The following ZFHX3 variants were observed in gnomAD, a reference collection of about 807,000 sequenced individuals.
The protein encoded by ZFHX3 is zinc finger homeobox protein 3.
A neutral mutation model predicts 279.1 loss-of-function variants in ZFHX3; 42 were observed. The ratio of observed to expected loss-of-function variants is 0.15; its 90% confidence interval spans 0.12 to 0.19. The LOEUF (loss-of-function observed/expected upper bound fraction) is 0.19. Ranked by LOEUF, ZFHX3 falls within the 10% of genes least tolerant of loss-of-function variation. ZFHX3 has a pLI of 1.00. For missense variants in ZFHX3, 4,981 were observed against 4,754.0 expected (o/e 1.05, Z -1.40); for synonymous variants, 2,293 against 1,957.8 (o/e 1.17, Z -4.52).
At chr16:73,503,239 A>G (rs1485484984) in intron 2 of ZFHX3, among the ~76,000 whole-genome samples, 1 of 152,226 alleles carries the variant, frequency 6.6e-6, no homozygotes, top group East Asian at 1.9e-4. Context: ...AGCTGTATGC[A>G]TGTGTCACAT....
intron 5 of ZFHX3, among the ~76,000 whole-genome samples, chr16:73,227,614 C>G (rs1293752841): frequency 6.6e-6 from 1 of 151,796 alleles, no homozygotes; most frequent in African/African-American, 2.4e-5. Context: ...TTTGGGAGGT[C>G]GAGGCAGGTG....
chr16:72,924,027 T>A (rs1046577035), intron 3 of ZFHX3, among the ~76,000 whole-genome samples: 1 of 152,202 alleles, frequency 6.6e-6, no homozygotes, highest in Non-Finnish European at 1.5e-5. Flanking sequence ...TAGCTAGCAC[T>A]TGCCCCAGGC....
intron 5 of ZFHX3, among the ~76,000 whole-genome samples, chr16:72,815,389 C>A (rs2036576560): frequency 6.9e-6 from 1 of 144,150 alleles, no homozygotes; most frequent in East Asian, 2.0e-4. Flanking sequence ...GCCTGGGTGA[C>A]AGAGTGAGAC....
At chr16:73,365,502 T>C (rs1310186742) in intron 3 of ZFHX3, among the ~76,000 whole-genome samples, 1 of 152,184 alleles carries the variant, frequency 6.6e-6, no homozygotes, top group African/African-American at 2.4e-5. Context: ...ATCTCATTAA[T>C]CCCTTTACAG....
At chr16:73,380,326 C>T (rs1447362478) in intron 3 of ZFHX3, among the ~76,000 whole-genome samples, 1 of 151,996 alleles carries the variant, frequency 6.6e-6, no homozygotes, top group Non-Finnish European at 1.5e-5. Flanking sequence ...ATTTACAAGA[C>T]AAAAAATAAG....
chr16:73,220,769 T>C (rs2012388643), intron 5 of ZFHX3, among the ~76,000 whole-genome samples: 1 of 152,098 alleles, frequency 6.6e-6, no homozygotes, highest in South Asian at 2.1e-4. Context: ...TGTGTGTGTG[T>C]GTGTGTGTTT....
At chr16:73,109,596 GC>G (rs1364843670) in intron 7 of ZFHX3, among the ~76,000 whole-genome samples, 4 of 152,102 alleles carry the variant, frequency 2.6e-5, no homozygotes, top group Non-Finnish European at 4.4e-5. Context: ...AGTGCCTCGT[GC>G]CTGTAATTTG....
At chr16:73,744,639 T>G (rs2053687843) in intron 1 of ZFHX3, among the ~76,000 whole-genome samples, 1 of 152,148 alleles carries the variant, frequency 6.6e-6, no homozygotes, top group South Asian at 2.1e-4. Context: ...CTGCCCCTCT[T>G]TTTGGAGCCT....
intron 2 of ZFHX3, among the ~76,000 whole-genome samples, chr16:73,590,521 C>T (rs1369711444): frequency 6.6e-6 from 1 of 152,138 alleles, no homozygotes; most frequent in Non-Finnish European, 1.5e-5. Context: ...AACTTGAGCA[C>T]ACTGAAACAC....
intron 4 of ZFHX3, among the ~76,000 whole-genome samples, chr16:72,856,283 G>A (rs950689826): frequency 3.9e-5 from 6 of 152,198 alleles, no homozygotes; most frequent in Admixed American, 6.5e-5. Flanking sequence ...CAATGAGCAC[G>A]CACGTGGTCA....
At chr16:72,843,102 A>T (rs2037384156) in intron 4 of ZFHX3, among the ~76,000 whole-genome samples, 1 of 152,190 alleles carries the variant, frequency 6.6e-6, no homozygotes, top group African/African-American at 2.4e-5. Context: ...TGTTCGCAAA[A>T]GCCTGGTCAC....
At chr16:73,736,146 CAG>C (rs2053608292) in intron 1 of ZFHX3, among the ~76,000 whole-genome samples, 1 of 152,110 alleles carries the variant, frequency 6.6e-6, no homozygotes, top group Admixed American at 6.5e-5. Flanking sequence ...CAGAAATGGT[CAG>C]AGACAGATGG....
intron 5 of ZFHX3, among the ~76,000 whole-genome samples, chr16:73,163,568 C>A (rs548157779): frequency 6.6e-6 from 1 of 152,164 alleles, no homozygotes; most frequent in Non-Finnish European, 1.5e-5. Context: ...TTTGCTCTCT[C>A]GACCTTTATA....
chr16:73,863,033 C>T (rs181757947), intron 1 of ZFHX3, among the ~76,000 whole-genome samples: 3 of 151,908 alleles, frequency 2.0e-5, no homozygotes, highest in Admixed American at 6.5e-5. Context: ...ACTGAAACCC[C>T]TTCTCTACTA....
chr16:73,174,225 G>A (rs536340481), intron 5 of ZFHX3, among the ~76,000 whole-genome samples: 1 of 151,986 alleles, frequency 6.6e-6, no homozygotes, highest in East Asian at 1.9e-4. Flanking sequence ...GCCTTCTAAG[G>A]CCTCAGTGGA....
chr16:73,531,550 A>G (rs1287306831), intron 2 of ZFHX3, among the ~76,000 whole-genome samples: 2 of 151,790 alleles, frequency 1.3e-5, no homozygotes, highest in African/African-American at 4.8e-5. Context: ...CCCCATGTCT[A>G]TAAAAATTTC....
In ZFHX3 at chr16:73,514,181, G is replaced by C. The variant is rs796510473; in HGVS notation, c.-1546-57923C>G. 6.6e-5 allele frequency among the ~76,000 whole-genome samples: 10 copies of C among 152,220 alleles called. 1 individual carries two copies. The highest frequency in any genetic ancestry group is 2.4e-4 in the African/African-American group (10 of 41,540). ...AAGAATCCCTTGAGCCCAGGAGGCA[G>C]AGGTTGCAGTGAGCCAAGATTGCGC... is the stretch of plus-strand genomic sequence containing the variant. On this transcript the variant is annotated intron_variant, in intron 2 of 17. Coordinates refer to the ZFHX3 transcript ENST00000641206.
chr16:73,713,477 G>A (rs2053383612), intron 1 of ZFHX3, among the ~76,000 whole-genome samples: 1 of 152,064 alleles, frequency 6.6e-6, no homozygotes, highest in Non-Finnish European at 1.5e-5. Flanking sequence ...CACAAACCCT[G>A]CAAATAGAAG....
At chr16:73,644,214 G>A (rs1042704548) in intron 2 of ZFHX3, among the ~76,000 whole-genome samples, 5 of 152,096 alleles carry the variant, frequency 3.3e-5, no homozygotes, top group African/African-American at 1.2e-4. Context: ...GCAAACACAT[G>A]TTGATGACTT....
Sources: gnomAD v4.1 joint callset for allele counts (sites outside exome capture counted in the v4.1 genomes callset) on GRCh38, gnomAD v4.1.1 for gene constraint, MANE v1.5 for transcripts, NCBI Gene and HGNC (gene_info 2026-07-23, HGNC 2026-07-21) for gene names.